Variants in CDS2 observed in about 807,000 individuals in gnomAD.
CDS2 encodes phosphatidate cytidylyltransferase 2.
A neutral mutation model predicts 59.0 loss-of-function variants in CDS2; 47 were observed. That is an observed-to-expected ratio of 0.80 (90% CI 0.63 to 1.02). The LOEUF is 1.02. Among genes scored for constraint, CDS2 ranks in the 50% least tolerant of loss-of-function variants. CDS2 has a pLI of 0.00. For missense variants in CDS2, 356 were observed against 558.9 expected, an observed-to-expected ratio of 0.64 and a Z score of 3.66; for synonymous variants, 207 against 206.4, an observed-to-expected ratio of 1.00 and a Z score of -0.02.
At chr20:5,138,135 A>G (rs1350814911) in intron 1 of CDS2, among the ~76,000 whole-genome samples, 1 of 137,218 alleles carries the variant, frequency 7.3e-6, no homozygotes, top group Non-Finnish European at 1.6e-5. Flanking sequence ...TTTTTTTTGT[A>G]GAAACAGGAT....
At position 5,178,905 on chromosome 20, in the gene CDS2, C is replaced by A. The variant is rs1417791050; in HGVS notation, c.478C>A (p.Arg160=). ...FTLVQREEPL[R]ILSKYHRFIS... ...CCTGGTCCAGAGAGAAGAGCCTTTG[C>A]GGATTCTCAGTAAATACCACCGGTT... Residue 160 remains arginine, a synonymous_variant, in exon 5 of 13, where the codon CGG becomes AGG. Transcript: ENST00000460006. The A allele has an allele frequency of 3.7e-6, 6 of 1,613,838 alleles. No homozygotes were observed. The highest frequency in any genetic ancestry group is 4.2e-6 in the Non-Finnish European group (5 of 1,179,856).
intron 1 of CDS2, among the ~76,000 whole-genome samples, chr20:5,146,165 AGTTGCAACACTTTT>A (rs2090741936): frequency 6.6e-6 from 1 of 152,192 alleles, no homozygotes; most frequent in East Asian, 1.9e-4. Flanking sequence ...AGAAGCAGGC[AGTTGCAACACTTTT>A]GTTGACATTT....
Position 5,190,988 on chromosome 20 carries a change from T to A in CDS2, c.*754T>A, listed in dbSNP as rs1007533351. On this transcript the variant is annotated 3_prime_UTR_variant, in exon 13 of 13. Coordinates refer to ENST00000460006, the MANE Select transcript of CDS2 (RefSeq NM_003818.4). ...TCCCACATGTCTAGGCTCCAATGTC[T>A]CCTGTAGGTCCACCTAACTGTGTGT... 1 of 152,668 alleles carries A rather than the reference T, an allele frequency of 6.6e-6. No individual in the cohort carries two copies. The highest frequency in any genetic ancestry group is 6.5e-5 in the Admixed American group (1 of 15,286). The allele number at this position is 152,668 out of a possible 1,614,324, so 9.5% of individuals were successfully genotyped here. A position where few individuals can be genotyped will look rare whatever the true frequency, so the allele number is the denominator to read the frequency against.
At position 5,191,080 on chromosome 20, in the gene CDS2, TTC is replaced by T. The variant is rs959617126; in HGVS notation, c.*849_*850del. ...TGCTGCTGAATCCTTTCTGGGGACT[TTC>T]TCATCGGGCAGGGAGCAGAGGGCTT... is the stretch of plus-strand genomic sequence containing the variant. On this transcript the variant is annotated 3_prime_UTR_variant, in exon 13 of 13. Coordinates refer to ENST00000460006, the MANE Select transcript of CDS2 (RefSeq NM_003818.4). 2 of 152,678 alleles carry T rather than the reference TTC, an allele frequency of 1.3e-5. No homozygotes were observed. The highest frequency in any genetic ancestry group is 2.4e-5 in the African/African-American group (1 of 41,424). 9.5% of individuals were successfully genotyped at this position (152,678 alleles called of 1,614,324 possible).
rs1342307778 is a variant in CDS2 at position 5,146,891 on chromosome 20, CTGAG to C, written c.57+19745_57+19748del. Among the ~76,000 whole-genome samples, 3 of 152,184 alleles carry C rather than the reference CTGAG, an allele frequency of 2.0e-5. No individual in the cohort carries two copies. The South Asian group carries it at 6.2e-4, about 31-fold the overall frequency. On this transcript the variant is annotated intron_variant, in intron 1 of 12. Coordinates refer to ENST00000460006, the MANE Select transcript of CDS2 (RefSeq NM_003818.4). ...TTGACTCTCTTGCCCTTCTACCTTC[CTGAG>C]TGTGTGGCTTCTATCTCTAGTATAG...
At chr20:5,185,892 C>A in intron 9 of CDS2, 66 bp downstream of exon 9, 2 of 1,443,362 alleles carry the variant, frequency 1.4e-6, no homozygotes, top group Non-Finnish European at 2.0e-6. Context: ...CCTTCCAAGG[C>A]CTGTCCAGAG....
intron 4 of CDS2, among the ~76,000 whole-genome samples, chr20:5,176,952 G>A (rs1600507397): frequency 6.6e-6 from 1 of 152,198 alleles, no homozygotes; most frequent in Admixed American, 6.5e-5. Context: ...TTAGGAGAAT[G>A]TTAAGAGAAA....
rs1157117734 is a variant in CDS2, at chr20:5,192,689, C to T, written c.*2455C>T. 1 of 152,132 alleles carries T rather than the reference C, an allele frequency of 6.6e-6. No homozygotes were observed. Among genetic ancestry groups the T allele is most frequent in the Non-Finnish European group, 1.5e-5 (1 of 68,028 alleles). 9.4% of individuals were successfully genotyped at this position (152,132 alleles called of 1,614,324 possible). A position where few individuals can be genotyped will look rare whatever the true frequency, so the allele number is the denominator to read the frequency against. On this transcript the variant is annotated 3_prime_UTR_variant, in exon 13 of 13. Coordinates refer to ENST00000460006, the MANE Select transcript of CDS2 (RefSeq NM_003818.4). ...TGTGCCCTCCCTTGTCGTGAATTCC[C>T]TGTTTATCACTTCCATGCATGGTTT...
chr20:5,176,600 CA>C, intron 3 of CDS2, 47 bp from the exon 4 acceptor site: 1 of 1,490,838 alleles, frequency 6.7e-7, no homozygotes, highest in Non-Finnish European at 9.4e-7. Flanking sequence ...TTTCCATTTC[CA>C]AAAATCATAA....
In CDS2 at chr20:5,193,880, T is replaced by C. The variant is rs974574950; in HGVS notation, c.*3646T>C. 1 of 152,238 alleles carries C rather than the reference T, an allele frequency of 6.6e-6. No individual in the cohort carries two copies. Among genetic ancestry groups the C allele is most frequent in the African/African-American group, 2.4e-5 (1 of 41,460 alleles). The allele number at this position is 152,238 out of a possible 1,614,324, so 9.4% of individuals were successfully genotyped here. On this transcript the variant is annotated 3_prime_UTR_variant, in exon 13 of 13. Transcript: ENST00000460006. Reference sequence around the variant, plus strand: ...TAATATCTTAGGCACTATTGTCTTTTGTCTTCCAGAGTAACATATCTGGGC... The same window carrying C: ...TAATATCTTAGGCACTATTGTCTTTCGTCTTCCAGAGTAACATATCTGGGC...
rs539005158 is a variant in CDS2 at position 5,192,706 on chromosome 20, G to A, written c.*2472G>A. ...TGAATTCCCTGTTTATCACTTCCAT[G>A]CATGGTTTTATGCTTCTCATTTGTT... On this transcript the variant is annotated 3_prime_UTR_variant, in exon 13 of 13. Coordinates refer to ENST00000460006, the MANE Select transcript of CDS2 (RefSeq NM_003818.4). 3 of 152,150 alleles carry A rather than the reference G, an allele frequency of 2.0e-5. No homozygotes were observed. In the South Asian group the frequency reaches 6.2e-4, roughly 32 times the overall value. The allele number at this position is 152,150 out of a possible 1,614,324, so 9.4% of individuals were successfully genotyped here.
chr20:5,174,540 T>TCCTGGCTAACAC (rs2090980209), intron 2 of CDS2, among the ~76,000 whole-genome samples: 1 of 151,846 alleles, frequency 6.6e-6, no homozygotes, highest in South Asian at 2.1e-4. Flanking sequence ...ATCGAGACCA[T>TCCTGGCTAACAC]GGTGAAACCC....
Position 5,184,986 on chromosome 20 carries a change from A to AGG in CDS2, c.759+43_759+44dup. On this transcript the variant is annotated intron_variant, in intron 8 of 12. Coordinates refer to ENST00000460006, the MANE Select transcript of CDS2 (RefSeq NM_003818.4). The surrounding 1 kb of genome is among the most constrained non-coding windows in gnomAD (Gnocchi z 4.3). ...TAATGTGAAATACCACTGTGAGGGG[A>AGG]GGGTGGTGCTCTCAATGTGAGTAGA... 1 of 1,417,510 alleles carries AGG rather than the reference A, an allele frequency of 7.1e-7. No individual in the cohort carries two copies. Among genetic ancestry groups the AGG allele is most frequent in the South Asian group, 1.1e-5 (1 of 87,124 alleles). The allele number at this position is 1,417,510 out of a possible 1,614,324, so 87.8% of individuals were successfully genotyped here.
Position 5,186,053 on chromosome 20 carries a change from G to A in CDS2, c.828+227G>A, listed in dbSNP as rs193018256. ...CTATGCCCTCTCGCGCCCAGGCATG[G>A]TGACATCAGCAGGTAGCCTTCTTGT... is the stretch of plus-strand genomic sequence containing the variant. On this transcript the variant is annotated intron_variant, in intron 9 of 12. Transcript: ENST00000460006. Among the ~76,000 whole-genome samples, 175 of 152,384 alleles carry A rather than the reference G, an allele frequency of 1.1e-3. 3 individuals carry two copies. Among genetic ancestry groups the A allele is most frequent in the Non-Finnish European group, 1.2e-4 (8 of 68,036 alleles).
intron 1 of CDS2, among the ~76,000 whole-genome samples, chr20:5,160,626 T>C (rs1475126158): frequency 2.0e-5 from 3 of 152,224 alleles, no homozygotes; most frequent in East Asian, 1.9e-4. Flanking sequence ...TACGTTAACA[T>C]TGTTTTGCAA....
intron 1 of CDS2, among the ~76,000 whole-genome samples, chr20:5,148,634 G>A (rs1159443427): frequency 6.6e-6 from 1 of 152,170 alleles, no homozygotes; most frequent in Non-Finnish European, 1.5e-5. Flanking sequence ...CAGTGTGAGG[G>A]TGGCATGTAG....
intron 1 of CDS2, among the ~76,000 whole-genome samples, chr20:5,170,467 T>C (rs1387955490): frequency 8.9e-6 from 1 of 111,942 alleles, no homozygotes; most frequent in Non-Finnish European, 1.8e-5. Flanking sequence ...TCCAGGTTCT[T>C]TCTCTCAGGT....
At chr20:5,168,821 TG>T (rs1423680374) in intron 1 of CDS2, among the ~76,000 whole-genome samples, 2 of 152,202 alleles carry the variant, frequency 1.3e-5, no homozygotes. Context: ...CATCCCCTCC[TG>T]CCCACTGCTC....
At chr20:5,130,501 G>A (rs1395134699) in intron 1 of CDS2, among the ~76,000 whole-genome samples, 4 of 151,554 alleles carry the variant, frequency 2.6e-5, no homozygotes, top group Non-Finnish European at 5.9e-5. Flanking sequence ...AATAGGCTGG[G>A]CGCGGTGGCT....
Sources: gnomAD v4.1 joint callset for allele counts (sites outside exome capture counted in the v4.1 genomes callset) on GRCh38, gnomAD v4.1.1 for gene constraint, Gnocchi (gnomAD v3.1) non-coding constraint, MANE v1.5 for transcripts, NCBI Gene and HGNC (gene_info 2026-07-23, HGNC 2026-07-21) for gene names.